MAGI2: variants seen among roughly 807,000 people sequenced by gnomAD.
MAGI2 encodes membrane associated guanylate kinase, WW and PDZ domain containing 2.
Under a neutral mutation model 133.3 loss-of-function variants are expected in MAGI2, and 35 were observed. The ratio of observed to expected loss-of-function variants is 0.26; its 90% CI spans 0.20 to 0.35. The LOEUF (loss-of-function observed/expected upper bound fraction) is 0.35. Among genes scored for constraint, MAGI2 ranks in the 10% least tolerant of loss-of-function variants. The probability of loss-of-function intolerance (pLI) is 1.00; values close to 1 mark genes in which losing one functional copy is unlikely to be tolerated. For missense variants in MAGI2, 1,636 were observed against 1,863.4 expected, an observed-to-expected ratio of 0.88 and a Z score of 2.25; for synonymous variants, 729 against 710.6, an observed-to-expected ratio of 1.03 and a Z score of -0.41.
intron 1 of MAGI2, among the ~76,000 whole-genome samples, chr7:79,226,658 C>A (rs1830886676): frequency 6.6e-6 from 1 of 152,126 alleles, no homozygotes; most frequent in Admixed American, 6.6e-5. Context: ...TTCTTCTCTT[C>A]CACCCTTCCT....
At chr7:79,185,302 C>A (rs1245337761) in intron 1 of MAGI2, among the ~76,000 whole-genome samples, 1 of 151,748 alleles carries the variant, frequency 6.6e-6, no homozygotes. Flanking sequence ...TGATAAAGGG[C>A]CCATAACAAT....
At chr7:79,238,875 G>T (rs931306130) in intron 1 of MAGI2, among the ~76,000 whole-genome samples, 1 of 152,004 alleles carries the variant, frequency 6.6e-6, no homozygotes, top group Non-Finnish European at 1.5e-5. Flanking sequence ...AGGAATAGAG[G>T]TTCATCTCTC....
At chr7:78,776,416 T>C (rs1825994186) in intron 2 of MAGI2, among the ~76,000 whole-genome samples, 1 of 152,232 alleles carries the variant, frequency 6.6e-6, no homozygotes, top group African/African-American at 2.4e-5. Context: ...TAGTAGATGG[T>C]CTCTTGAGAC....
chr7:78,213,702 T>C (rs1254529152), intron 10 of MAGI2, among the ~76,000 whole-genome samples: 1 of 152,248 alleles, frequency 6.6e-6, no homozygotes, highest in African/African-American at 2.4e-5. Flanking sequence ...ATCTGAGCTG[T>C]ACCTCAATTC....
intron 1 of MAGI2, among the ~76,000 whole-genome samples, chr7:79,393,123 A>C (rs1025824125): frequency 1.3e-5 from 2 of 152,138 alleles, no homozygotes; most frequent in African/African-American, 4.8e-5. Context: ...ATAATCTTTA[A>C]ATTACTGTGT....
chr7:78,794,319 T>C (rs536402335), intron 2 of MAGI2, among the ~76,000 whole-genome samples: 1 of 152,268 alleles, frequency 6.6e-6, no homozygotes, highest in Non-Finnish European at 1.5e-5. Flanking sequence ...GCAATGAAAC[T>C]CTAACTGAAA....
intron 6 of MAGI2, among the ~76,000 whole-genome samples, chr7:78,473,884 G>A (rs879795156): frequency 1.3e-5 from 2 of 151,980 alleles, no homozygotes; most frequent in Non-Finnish European, 2.9e-5. Context: ...AAAAAGGAGA[G>A]TGAGGACAAA....
intron 1 of MAGI2, among the ~76,000 whole-genome samples, chr7:79,091,413 T>C (rs1465614463): frequency 6.6e-6 from 1 of 152,136 alleles, no homozygotes; most frequent in East Asian, 1.9e-4. Flanking sequence ...ATTTTAACCA[T>C]TGATGCATAT....
At chr7:79,332,522 C>T (rs1840158574) in intron 1 of MAGI2, among the ~76,000 whole-genome samples, 1 of 152,098 alleles carries the variant, frequency 6.6e-6, no homozygotes, top group South Asian at 2.1e-4. Context: ...CCAGATTTCT[C>T]CTGATCCTAT....
chr7:79,303,302 TA>T (rs5885125), intron 1 of MAGI2, among the ~76,000 whole-genome samples: 148,332 of 151,958 alleles, frequency 0.98, 72,471 homozygotes, highest in East Asian at 1. Context: ...GCCATTGAAA[TA>T]AAAAAAAACT....
chr7:78,636,641 A>G (rs1016094421), intron 2 of MAGI2, among the ~76,000 whole-genome samples: 1 of 152,090 alleles, frequency 6.6e-6, no homozygotes, highest in African/African-American at 2.4e-5. Flanking sequence ...CACTAAAAAT[A>G]CAAAAAATTA....
At chr7:78,662,769 T>G (rs74490102) in intron 2 of MAGI2, among the ~76,000 whole-genome samples, 17,310 of 152,134 alleles carry the variant, frequency 0.11, 1,014 homozygotes, top group East Asian at 0.17. Context: ...GAGAGAAAAT[T>G]AGAATGGTTG....
chr7:79,424,281 C>T (rs948017370), intron 1 of MAGI2, among the ~76,000 whole-genome samples: 31 of 150,328 alleles, frequency 2.1e-4, no homozygotes, highest in African/African-American at 7.4e-4. Flanking sequence ...TAATTTGATG[C>T]CTAATAGTAT....
intron 9 of MAGI2, among the ~76,000 whole-genome samples, chr7:78,293,769 G>A (rs1466179770): frequency 6.6e-6 from 1 of 152,178 alleles, no homozygotes; most frequent in Non-Finnish European, 1.5e-5. Context: ...AAAAGGATGA[G>A]TTCATGTCCT....
intron 2 of MAGI2, among the ~76,000 whole-genome samples, chr7:78,813,280 T>C (rs1405777014): frequency 6.6e-6 from 1 of 152,130 alleles, no homozygotes; most frequent in Non-Finnish European, 1.5e-5. Context: ...TTAATATAGA[T>C]GTGAAAATCT....
intron 1 of MAGI2, among the ~76,000 whole-genome samples, chr7:79,128,647 G>T (rs886537328): frequency 2.0e-5 from 3 of 152,060 alleles, no homozygotes; most frequent in Non-Finnish European, 4.4e-5. Flanking sequence ...AAAATGCAAG[G>T]ACACATTCAT....
chr7:78,682,788 C>A (rs771806529), intron 2 of MAGI2, among the ~76,000 whole-genome samples: 3 of 152,086 alleles, frequency 2.0e-5, no homozygotes, highest in Non-Finnish European at 4.4e-5. Context: ...TGGGTATATA[C>A]CCAAAGGATT....
intron 16 of MAGI2, among the ~76,000 whole-genome samples, chr7:78,158,680 A>G (rs574861045): frequency 2.0e-5 from 3 of 152,312 alleles, no homozygotes; most frequent in East Asian, 3.9e-4. Flanking sequence ...AATTCAGTTC[A>G]TGGTTTGACT....
At chr7:79,313,081 T>G (rs771366781) in intron 1 of MAGI2, among the ~76,000 whole-genome samples, 1 of 152,198 alleles carries the variant, frequency 6.6e-6, no homozygotes, top group Non-Finnish European at 1.5e-5. Context: ...GACTTCCTCC[T>G]TTTCCCTCTC....
Sources: allele counts gnomAD v4.1 joint callset (sites outside exome capture counted in the v4.1 genomes callset), GRCh38; gene constraint gnomAD v4.1.1; transcripts MANE v1.5; gene names NCBI Gene and HGNC (gene_info 2026-07-23, HGNC 2026-07-21).